The following NRXN1 variants were observed in gnomAD, a reference collection of about 807,000 sequenced individuals.
NRXN1 encodes the protein neurexin 1.
NRXN1 carries 39 observed loss-of-function variants against 150.9 expected under a neutral mutation model. The observed-to-expected ratio is 0.26, with a 90% CI of 0.20 to 0.34. The LOEUF is 0.34. Ranked by LOEUF, NRXN1 falls within the 10% of genes least tolerant of loss-of-function variation. The pLI, the probability that NRXN1 is intolerant of heterozygous loss-of-function variation, is 1.00. For missense variants in NRXN1, 1,815 were observed against 1,949.9 expected (o/e 0.93, Z 1.30); for synonymous variants, 924 against 757.0 (o/e 1.22, Z -3.62).
At chr2:49,982,058 TAC>T in intron 21 of NRXN1, among the ~76,000 whole-genome samples, 1 of 152,124 alleles carries the variant, frequency 6.6e-6, no homozygotes, top group Non-Finnish European at 1.5e-5. Context: ...CTCTCCAATG[TAC>T]ATAAAGTCAA....
At chr2:50,386,994 A>G (rs2081370753) in intron 17 of NRXN1, among the ~76,000 whole-genome samples, 2 of 152,200 alleles carry the variant, frequency 1.3e-5, no homozygotes, top group African/African-American at 4.8e-5. Context: ...AGTGCATAGT[A>G]TCCGAAGTTT....
intron 8 of NRXN1, among the ~76,000 whole-genome samples, chr2:50,606,630 T>TAATAAA (rs1309661805): frequency 6.6e-6 from 1 of 150,384 alleles, no homozygotes; most frequent in East Asian, 1.9e-4. Context: ...ATAATAATAA[T>TAATAAA]AAAATAAAAC....
chr2:50,355,767 T>C (rs1464971235), intron 17 of NRXN1, among the ~76,000 whole-genome samples: 1 of 152,192 alleles, frequency 6.6e-6, no homozygotes, highest in Non-Finnish European at 1.5e-5. Context: ...AGTGAGGATA[T>C]GTAACAGTGT....
At chr2:50,465,048 A>G (rs1879319) in intron 17 of NRXN1, among the ~76,000 whole-genome samples, 56,367 of 151,504 alleles carry the variant, frequency 0.37, 12,574 homozygotes, top group Middle Eastern at 0.57. Context: ...GAAAAATGAG[A>G]CCTGTAACCA....
chr2:50,347,053 C>T lies in NRXN1; in HGVS notation c.3365-110083G>A, dbSNP rs913277978. 19 of 1,377,250 alleles carry T rather than the reference C, an allele frequency of 1.4e-5. No homozygotes were observed. Among genetic ancestry groups the T allele is most frequent in the East Asian group, 4.3e-5 (1 of 23,448 alleles). The allele number at this position is 1,377,250 out of a possible 1,614,324, so 85.3% of individuals were successfully genotyped here. Reference sequence around the variant, plus strand: ...GGGCGGCGCGGAGTGGGCTGAGGGGCCGGCCGCCTCACCGCGCCAGGGCAC... The same window carrying T: ...GGGCGGCGCGGAGTGGGCTGAGGGGTCGGCCGCCTCACCGCGCCAGGGCAC... On this transcript the variant is annotated intron_variant, in intron 17 of 22. Transcript: ENST00000401669. This position sits in a 1 kb window ranked among gnomAD's most constrained non-coding sequence, Gnocchi z 4.9.
At chr2:50,215,510 A>C (rs1297151787) in intron 18 of NRXN1, among the ~76,000 whole-genome samples, 1 of 152,010 alleles carries the variant, frequency 6.6e-6, no homozygotes, top group Non-Finnish European at 1.5e-5. Context: ...TACAGTAAAA[A>C]AGTAATGAGA....
chr2:50,713,325 A>G (rs1206033694), intron 5 of NRXN1, among the ~76,000 whole-genome samples: 3 of 147,860 alleles, frequency 2.0e-5, no homozygotes, highest in Admixed American at 6.8e-5. Context: ...AAAAAAAAAA[A>G]GAAAAAAAAA....
chr2:50,391,437 ATCT>A (rs1203528704), intron 17 of NRXN1, among the ~76,000 whole-genome samples: 1 of 152,148 alleles, frequency 6.6e-6, no homozygotes, highest in East Asian at 1.9e-4. Flanking sequence ...TTTAAAAATA[ATCT>A]TCTTGGGAAG....
chr2:50,896,840 C>A (rs575898581), intron 5 of NRXN1, among the ~76,000 whole-genome samples: 1 of 145,806 alleles, frequency 6.9e-6, no homozygotes, highest in Non-Finnish European at 1.5e-5. Flanking sequence ...GAGCAAGATT[C>A]TGTCTCAAAA....
chr2:50,095,382 T>C (rs185721389), intron 18 of NRXN1, among the ~76,000 whole-genome samples: 3 of 152,312 alleles, frequency 2.0e-5, no homozygotes, highest in Admixed American at 2.0e-4. Context: ...TACTCTAGGG[T>C]TGCCCATTGT....
At chr2:50,562,328 A>ATGAT (rs1558940727) in intron 8 of NRXN1, among the ~76,000 whole-genome samples, 108 of 102,932 alleles carry the variant, frequency 1.0e-3, no homozygotes, top group Middle Eastern at 0.01. Context: ...TGATAGATAT[A>ATGAT]CGATAGATAG....
intron 18 of NRXN1, among the ~76,000 whole-genome samples, chr2:50,172,952 G>C (rs956412138): frequency 6.6e-6 from 1 of 152,024 alleles, no homozygotes; most frequent in Non-Finnish European, 1.5e-5. Context: ...GGGCAACAGA[G>C]GGAGACTCCG....
intron 18 of NRXN1, among the ~76,000 whole-genome samples, chr2:50,213,868 A>G (rs1459715999): frequency 1.3e-5 from 2 of 151,962 alleles, no homozygotes; most frequent in African/African-American, 2.4e-5. Context: ...CACAAACCCC[A>G]GCAGAGTCAC....
chr2:50,040,023 C>G (rs1690681510), intron 21 of NRXN1, among the ~76,000 whole-genome samples: 1 of 152,020 alleles, frequency 6.6e-6, no homozygotes, highest in Admixed American at 6.6e-5. Context: ...ATAATATTTA[C>G]ACAGTAATGG....
At chr2:50,126,415 T>C (rs904814918) in intron 18 of NRXN1, among the ~76,000 whole-genome samples, 3 of 152,128 alleles carry the variant, frequency 2.0e-5, no homozygotes, top group Admixed American at 1.3e-4. Flanking sequence ...ACATACTAAA[T>C]GTAATGGAGA....
rs956625654 is a variant in NRXN1 at position 49,919,222 on chromosome 2, G to C, written c.*2722C>G. Reference sequence around the variant, plus strand: ...AACTGCAAACTATGCAGGGAACCCTGATATGTTTGGTATGAAGATACTTGG... The same window carrying C: ...AACTGCAAACTATGCAGGGAACCCTCATATGTTTGGTATGAAGATACTTGG... On this transcript the variant is annotated 3_prime_UTR_variant, in exon 23 of 23. Coordinates refer to ENST00000401669, the MANE Select transcript of NRXN1 (RefSeq NM_001330078.2). The C allele has an allele frequency of 1.3e-5, 2 of 152,094 alleles. No individual in the cohort carries two copies. The highest frequency in any genetic ancestry group is 2.9e-5 in the Non-Finnish European group (2 of 67,972). 9.4% of individuals were successfully genotyped at this position (152,094 alleles called of 1,614,324 possible). A position where few individuals can be genotyped will look rare whatever the true frequency, so the allele number is the denominator to read the frequency against.
At chr2:49,954,456 T>C (rs1432156695) in intron 21 of NRXN1, among the ~76,000 whole-genome samples, 2 of 152,180 alleles carry the variant, frequency 1.3e-5, no homozygotes, top group African/African-American at 4.8e-5. Context: ...GAACCTGATT[T>C]ATTTTATCAC....
chr2:50,006,272 G>A (rs917746168), intron 21 of NRXN1, among the ~76,000 whole-genome samples: 5 of 151,978 alleles, frequency 3.3e-5, no homozygotes, highest in African/African-American at 7.3e-5. Flanking sequence ...TTGAACTACC[G>A]CACTTGCTTC....
intron 17 of NRXN1, among the ~76,000 whole-genome samples, chr2:50,447,642 T>G (rs1299384546): frequency 1.4e-5 from 2 of 145,680 alleles, no homozygotes; most frequent in Non-Finnish European, 3.0e-5. Context: ...AAATCTCACT[T>G]GGTTTCTATT....
Sources: allele counts gnomAD v4.1 joint callset (sites outside exome capture counted in the v4.1 genomes callset), GRCh38; gene constraint gnomAD v4.1.1; non-coding constraint Gnocchi (gnomAD v3.1); transcripts MANE v1.5; gene names NCBI Gene and HGNC (gene_info 2026-07-23, HGNC 2026-07-21).